The following PISD variants were observed in gnomAD, a reference collection of about 807,000 sequenced individuals.
The protein encoded by PISD is phosphatidylserine decarboxylase proenzyme, mitochondrial.
In PISD, 31 loss-of-function variants were observed where a neutral mutation model predicts 43.5. The ratio of observed to expected loss-of-function variants is 0.71; its 90% CI spans 0.54 to 0.96. PISD has a LOEUF of 0.96. Among genes scored for constraint, PISD ranks in the 40% least tolerant of loss-of-function variants. PISD has a pLI of 0.00. For synonymous variants in PISD, 259 were observed against 228.7 expected (o/e 1.13, Z -1.20); for missense variants, 523 against 548.4 (o/e 0.95, Z 0.46).
At chr22:31,627,963 A>T in intron 3 of PISD, 5 of 927,308 alleles carry the variant, frequency 5.4e-6, no homozygotes, top group Non-Finnish European at 6.4e-6. Flanking sequence ...CCCTGGAGAG[A>T]CTAAGAACCA....
intron 3 of PISD, among the ~76,000 whole-genome samples, chr22:31,624,654 GACACACACAC>G (rs769817542): frequency 1.5e-5 from 2 of 132,660 alleles, no homozygotes; most frequent in Non-Finnish European, 1.6e-5. Context: ...TGCACAGACA[GACACACACAC>G]ACACACACAC....
chr22:31,637,000 C>T (rs2073462513), intron 3 of PISD, among the ~76,000 whole-genome samples: 1 of 151,046 alleles, frequency 6.6e-6, no homozygotes, highest in African/African-American at 2.4e-5. Flanking sequence ...AAAAAGATTA[C>T]ATATTCGTTG....
At chr22:31,629,902 C>A (rs1468834867) in intron 3 of PISD, 1 of 152,168 alleles carries the variant, frequency 6.6e-6, no homozygotes, top group Admixed American at 6.6e-5. Context: ...GCCAGGACCA[C>A]CCCTCTTGAA....
chr22:31,628,802 C>T, intron 3 of PISD: 3 of 985,028 alleles, frequency 3.0e-6, no homozygotes, highest in Non-Finnish European at 3.6e-6. Context: ...AGAAACCCCA[C>T]TTCCACCTAG....
At chr22:31,652,512 T>A (rs2074055489) in intron 1 of PISD, among the ~76,000 whole-genome samples, 1 of 151,712 alleles carries the variant, frequency 6.6e-6, no homozygotes, top group African/African-American at 2.4e-5. Flanking sequence ...TTCCTTGCCT[T>A]ACAAACACCT....
intron 3 of PISD, among the ~76,000 whole-genome samples, chr22:31,624,714 C>CACACAG (rs1306723091): frequency 3.5e-5 from 1 of 28,236 alleles, no homozygotes; most frequent in African/African-American, 2.5e-4. Flanking sequence ...CAAAGGTGGA[C>CACACAG]ACACACACAC....
intron 3 of PISD, among the ~76,000 whole-genome samples, chr22:31,633,806 C>A (rs1342055877): frequency 1.3e-5 from 2 of 152,204 alleles, no homozygotes; most frequent in Non-Finnish European, 2.9e-5. Context: ...TCCAACCAGA[C>A]CTCCACCACA....
chr22:31,641,971 T>G (rs889478626), intron 3 of PISD, among the ~76,000 whole-genome samples: 1 of 151,160 alleles, frequency 6.6e-6, no homozygotes, highest in Admixed American at 6.6e-5. Flanking sequence ...CCACAAACCA[T>G]AAAGGTGTCC....
chr22:31,623,656 C>G (rs747177542), intron 3 of PISD: 1 of 1,596,358 alleles, frequency 6.3e-7, no homozygotes, highest in Non-Finnish European at 8.5e-7. Context: ...AAGGGAGGTC[C>G]GAGCCACAGG....
chr22:31,653,928 G>C (rs1344540382), intron 1 of PISD, among the ~76,000 whole-genome samples: 1 of 152,210 alleles, frequency 6.6e-6, no homozygotes, highest in Non-Finnish European at 1.5e-5. Context: ...ATTTTCATAT[G>C]AATGCTGTCA....
intron 1 of PISD, among the ~76,000 whole-genome samples, chr22:31,657,404 G>A (rs1896564860): frequency 6.6e-6 from 1 of 152,112 alleles, no homozygotes; most frequent in African/African-American, 2.4e-5. Context: ...CAAAGTGCTG[G>A]GATTACAGGC....
intron 3 of PISD, among the ~76,000 whole-genome samples, chr22:31,636,141 G>A (rs759604434): frequency 9.9e-5 from 15 of 152,208 alleles, no homozygotes; most frequent in Non-Finnish European, 2.2e-4. Flanking sequence ...AGGCCCATGG[G>A]GCTCCAGGAA....
Position 31,621,671 on chromosome 22 carries a change from G to A in PISD, c.536C>T (p.Pro179Leu). Residue 179 changes from proline to leucine, a missense_variant, in exon 4 of 8, where the codon CCT (proline) becomes CTT (leucine). By Grantham distance (98) the Pro-to-Leu change is moderately conservative. Coordinates refer to ENST00000439502, the MANE Select transcript of PISD (RefSeq NM_001326411.2). ...CACCACGCTGTGCAGGCCACAGACA[G>A]GCCGGGCCTGCGGCTTCAGCTTGCG... Reference protein sequence around the residue: ...FRRKLKPQARPVCGLHSVISP... With the variant: ...FRRKLKPQARLVCGLHSVISP... 1 of 1,613,784 alleles carries A rather than the reference G, an allele frequency of 6.2e-7. No individual in the cohort carries two copies. The highest frequency in any genetic ancestry group is 8.5e-7 in the Non-Finnish European group (1 of 1,179,870).
At chr22:31,628,797 C>G in intron 3 of PISD, 1 of 983,922 alleles carries the variant, frequency 1.0e-6, no homozygotes, top group Non-Finnish European at 1.2e-6. Flanking sequence ...TGCTCAGAAA[C>G]CCCACTTCCA....
chr22:31,637,990 C>T (rs1037695816), intron 3 of PISD, among the ~76,000 whole-genome samples: 6 of 152,382 alleles, frequency 3.9e-5, no homozygotes, highest in African/African-American at 1.4e-4. Context: ...ACCCAGAGGC[C>T]GCCCTGCCTT....
At chr22:31,650,647 T>C (rs566234772) in intron 2 of PISD, 52 bp downstream of exon 2, 1 of 1,064,438 alleles carries the variant, frequency 9.4e-7, no homozygotes, top group African/African-American at 1.6e-5. Flanking sequence ...AATTTACAGA[T>C]GACCAAACTG....
In PISD at chr22:31,637,157, AAAAAAAAATATATATAT is replaced by A. The variant is rs1405370934; in HGVS notation, c.321+10927_321+10943del. ...AATAAATAAATTAAAAAAAAAAAAA[AAAAAAAAATATATATAT>A]ATATATATATATATATATATATATA... On this transcript the variant is annotated intron_variant, in intron 3 of 7. Coordinates refer to ENST00000439502, the MANE Select transcript of PISD (RefSeq NM_001326411.2). Among the ~76,000 whole-genome samples the A allele has an allele frequency of 9.6e-3, 354 of 36,848 alleles. 2 individuals are homozygous for A. Among genetic ancestry groups the A allele is most frequent in the Non-Finnish European group, 0.012 (234 of 18,782 alleles). 24.2% of individuals were successfully genotyped at this position (36,848 alleles called of 152,430 possible). A position where few individuals can be genotyped will look rare whatever the true frequency, so the allele number is the denominator to read the frequency against.
At chr22:31,621,194 C>T (rs748015775) in intron 5 of PISD, 52 bp from the exon 6 acceptor site, 29 of 1,613,330 alleles carry the variant, frequency 1.8e-5, no homozygotes, top group African/African-American at 2.7e-5. Context: ...GCACCCAGCA[C>T]GGAGCCCGAG....
rs1488647097 is a variant in PISD at position 31,630,625 on chromosome 22, C to A, written c.322-8740G>T. 4 of 690,702 alleles carry A rather than the reference C, an allele frequency of 5.8e-6. No homozygotes were observed. In the South Asian group the frequency reaches 1.9e-4, roughly 33 times the overall value. The allele number at this position is 690,702 out of a possible 1,614,324, so 42.8% of individuals were successfully genotyped here. A position where few individuals can be genotyped will look rare whatever the true frequency, so the allele number is the denominator to read the frequency against. On this transcript the variant is annotated intron_variant, in intron 3 of 7. Coordinates refer to ENST00000439502, the MANE Select transcript of PISD (RefSeq NM_001326411.2). The surrounding 1 kb of genome is among the most constrained non-coding windows in gnomAD (Gnocchi z 4.4). ...AGCCCACGACTCGCTCAACCTTGTC[C>A]GCGGGGCTCCTCAGGCCGGGGCCGC...
Sources: allele counts gnomAD v4.1 joint callset (sites outside exome capture counted in the v4.1 genomes callset), GRCh38; gene constraint gnomAD v4.1.1; non-coding constraint Gnocchi (gnomAD v3.1); transcripts MANE v1.5; gene names NCBI Gene and HGNC (gene_info 2026-07-23, HGNC 2026-07-21).